PRKCSH: variants seen among roughly 807,000 people sequenced by gnomAD.
PRKCSH encodes PRKCSH beta subunit of glucosidase II.
PRKCSH carries 42 observed loss-of-function variants against 79.7 expected under a neutral mutation model. The observed-to-expected ratio is 0.53, with a 90% CI of 0.41 to 0.68. The LOEUF is 0.68. Among genes scored for constraint, PRKCSH ranks in the 30% least tolerant of loss-of-function variants. PRKCSH has a pLI of 0.00. For missense variants in PRKCSH, 686 were observed against 709.0 expected (o/e 0.97, Z 0.37); for synonymous variants, 325 against 288.2 (o/e 1.13, Z -1.29).
intron 7 of PRKCSH, among the ~76,000 whole-genome samples, chr19:11,444,738 C>T (rs933650658): frequency 6.6e-6 from 1 of 152,102 alleles, no homozygotes; most frequent in Non-Finnish European, 1.5e-5. Flanking sequence ...TTCTGTCCGG[C>T]TGGCCCCTCT....
At position 11,448,832 on chromosome 19, in the gene PRKCSH, C is replaced by A; in HGVS notation, c.1287-82C>A. 1 of 1,537,174 alleles carries A rather than the reference C, an allele frequency of 6.5e-7. No individual in the cohort carries two copies. Among genetic ancestry groups the A allele is most frequent in the Non-Finnish European group, 9.0e-7 (1 of 1,110,816 alleles). ...GTTGGAGGTACCCTGTGTGTGGGGACTGGAGGAGGCGGTGGGGGGTGGCTG... is the reference window on the plus strand; with the variant it reads ...GTTGGAGGTACCCTGTGTGTGGGGAATGGAGGAGGCGGTGGGGGGTGGCTG... On this transcript the variant is annotated intron_variant, in intron 14 of 17. Transcript: ENST00000677123. The surrounding 1 kb of genome is among the most constrained non-coding windows in gnomAD (Gnocchi z 4.4).
chr19:11,436,846 C>T, intron 3 of PRKCSH: 1 of 354,132 alleles, frequency 2.8e-6, no homozygotes, highest in Non-Finnish European at 5.5e-6. Context: ...TGAAGGGAGA[C>T]CCTGGCTTTT....
intron 6 of PRKCSH, 58 bp from the exon 7 acceptor site, chr19:11,442,328 G>C: frequency 6.5e-7 from 1 of 1,541,456 alleles, no homozygotes; most frequent in Non-Finnish European, 8.8e-7. Flanking sequence ...GGAGGTAGTA[G>C]TCAATGAGGA....
intron 8 of PRKCSH, 145 bp from the exon 9 acceptor site, chr19:11,446,127 G>C: frequency 2.5e-6 from 2 of 787,892 alleles, no homozygotes; most frequent in Non-Finnish European, 4.2e-6. Flanking sequence ...GGGGCAGGAG[G>C]GTGGGGAGGC....
intron 8 of PRKCSH, 58 bp downstream of exon 8, chr19:11,445,531 G>A (rs1449083636): frequency 1.2e-5 from 18 of 1,529,324 alleles, no homozygotes; most frequent in East Asian, 2.3e-5. Context: ...TTCCCTCCCC[G>A]CCACCCTCGC....
In PRKCSH at chr19:11,450,779, C is replaced by A. The variant is rs886054200; in HGVS notation, c.*150C>A. ...TTCGTGCCCTGCTCTGGGGCCCAGG[C>A]GGGGCTGGTCCACATTCCCAGGCCC... is the stretch of plus-strand genomic sequence containing the variant. On this transcript the variant is annotated 3_prime_UTR_variant, in exon 18 of 18. Coordinates refer to ENST00000677123, the MANE Select transcript of PRKCSH (RefSeq NM_001289104.2). The A allele has an allele frequency of 6.6e-6, 1 of 152,280 alleles. No homozygotes were observed. Among genetic ancestry groups the A allele is most frequent in the Non-Finnish European group, 1.5e-5 (1 of 68,082 alleles). The allele number at this position is 152,280 out of a possible 1,614,324, so 9.4% of individuals were successfully genotyped here.
Position 11,437,795 on chromosome 19 carries a change from A to G in PRKCSH, c.197-81A>G, listed in dbSNP as rs191476619. On this transcript the variant is annotated intron_variant, in intron 3 of 17. Coordinates refer to ENST00000677123, the MANE Select transcript of PRKCSH (RefSeq NM_001289104.2). Reference sequence around the variant, plus strand: ...TCTTGTGCTGTGTGCAGTGTGGGTCAGGGGCTCTTATCTGTGGATGGATGG... The same window carrying G: ...TCTTGTGCTGTGTGCAGTGTGGGTCGGGGGCTCTTATCTGTGGATGGATGG... The G allele has an allele frequency of 4.7e-4, 561 of 1,205,000 alleles. 2 individuals carry two copies. The African/African-American group carries it at 6.7e-3, about 14-fold the overall frequency. The allele number at this position is 1,205,000 out of a possible 1,614,324, so 74.6% of individuals were successfully genotyped here.
rs577685604 is a variant in PRKCSH, at chr19:11,441,071, C to T, written c.351-169C>T. The T allele has an allele frequency of 2.5e-5, 18 of 731,202 alleles. No homozygotes were observed. In the South Asian group the frequency reaches 2.6e-4, roughly 11 times the overall value. The allele number at this position is 731,202 out of a possible 1,614,324, so 45.3% of individuals were successfully genotyped here. A position where few individuals can be genotyped will look rare whatever the true frequency, so the allele number is the denominator to read the frequency against. ...GAACCCACTGTTCCTCTTTCAAGGA[C>T]AGGAATGAAGGATGCTGATGTTGAG... On this transcript the variant is annotated intron_variant, in intron 5 of 17. Coordinates refer to ENST00000677123, the MANE Select transcript of PRKCSH (RefSeq NM_001289104.2).
In PRKCSH at chr19:11,447,573, A is replaced by AGAG. The variant is rs763059069; in HGVS notation, c.999_1001dup (p.Glu333dup). 3.9e-4 allele frequency: 607 copies of AGAG among 1,570,738 alleles called. 1 individual carries two copies. Among genetic ancestry groups the AGAG allele is most frequent in the South Asian group, 1.6e-3 (142 of 88,218 alleles). ...AGGAGGAGGAAGAAGAGGCTGAAGA[A>AGAG]GAGGAGGAGGAGGAGGATTCCGAGG... On this transcript the variant is annotated inframe_insertion, in exon 11 of 18. Coordinates refer to ENST00000677123, the MANE Select transcript of PRKCSH (RefSeq NM_001289104.2). This position sits in a 1 kb window ranked among gnomAD's most constrained non-coding sequence, Gnocchi z 5.6.
In PRKCSH at chr19:11,440,150, ACTT is replaced by A. The variant is rs1019721220; in HGVS notation, c.351-1086_351-1084del. ...AAGGTGGATTGAACACAACCAACAC[ACTT>A]CTTTTTTTTTTTGAGACGGAGTCTC... On this transcript the variant is annotated intron_variant, in intron 5 of 17. Transcript: ENST00000677123. Among the ~76,000 whole-genome samples, 55 of 151,254 alleles carry A rather than the reference ACTT, an allele frequency of 3.6e-4. 1 individual carries two copies. The highest frequency in any genetic ancestry group is 1.2e-3 in the African/African-American group (50 of 41,252).
Position 11,449,624 on chromosome 19 carries a change from C to G in PRKCSH, c.*16+196C>G. On this transcript the variant is annotated intron_variant, in intron 17 of 17. Coordinates refer to ENST00000677123, the MANE Select transcript of PRKCSH (RefSeq NM_001289104.2). The surrounding 1 kb of genome is among the most constrained non-coding windows in gnomAD (Gnocchi z 6.4). Reference sequence around the variant, plus strand: ...GTGATGCGACCTCAGCTGACTGCAACCTCTACCTCCCGGGTTCAAACAATT... The same window carrying G: ...GTGATGCGACCTCAGCTGACTGCAAGCTCTACCTCCCGGGTTCAAACAATT... The G allele has an allele frequency of 1.5e-6, 1 of 657,118 alleles. No homozygotes were observed. The highest frequency in any genetic ancestry group is 2.6e-6 in the Non-Finnish European group (1 of 388,324). 40.7% of individuals were successfully genotyped at this position (657,118 alleles called of 1,614,324 possible).
intron 6 of PRKCSH, 114 bp from the exon 7 acceptor site, chr19:11,442,272 T>G: frequency 1.5e-5 from 22 of 1,419,574 alleles, no homozygotes; most frequent in Non-Finnish European, 1.9e-5. Flanking sequence ...CCCAGCTTGG[T>G]GTGTGTTTTG....
At chr19:11,445,593 C>T in intron 8 of PRKCSH, 120 bp downstream of exon 8, 1 of 993,332 alleles carries the variant, frequency 1.0e-6, no homozygotes, top group East Asian at 2.6e-5. Context: ...GGGGTCCAGG[C>T]TGATCCCAAG....
rs1357394825 is a variant in PRKCSH, at chr19:11,445,633, A to T, written c.683+160A>T. The T allele has an allele frequency of 4.1e-5, 30 of 739,522 alleles. No individual in the cohort carries two copies. The East Asian group carries it at 8.1e-4, about 20-fold the overall frequency. 45.8% of individuals were successfully genotyped at this position (739,522 alleles called of 1,614,324 possible). A position where few individuals can be genotyped will look rare whatever the true frequency, so the allele number is the denominator to read the frequency against. ...GTGTGACCCCGCCTCTTACTCGTGG[A>T]TGGCCAGGTCCAGGATGCCCTGGGC... On this transcript the variant is annotated intron_variant, in intron 8 of 17. Coordinates refer to ENST00000677123, the MANE Select transcript of PRKCSH (RefSeq NM_001289104.2).
intron 6 of PRKCSH, 63 bp from the exon 7 acceptor site, chr19:11,442,323 T>G (rs1599493596): frequency 6.5e-7 from 1 of 1,533,722 alleles, no homozygotes. Flanking sequence ...GGCAGGGAGG[T>G]AGTAGTCAAT....
At chr19:11,438,854 C>T (rs1405231799) in intron 5 of PRKCSH, among the ~76,000 whole-genome samples, 3 of 151,050 alleles carry the variant, frequency 2.0e-5, no homozygotes, top group Non-Finnish European at 4.4e-5. Flanking sequence ...AACAGCTGTT[C>T]TCAATTCCTG....
At chr19:11,445,147 C>A (rs973024015) in intron 7 of PRKCSH, among the ~76,000 whole-genome samples, 3 of 152,182 alleles carry the variant, frequency 2.0e-5, no homozygotes, top group African/African-American at 7.2e-5. Context: ...CCTCCTGCCT[C>A]TGCACTCCCC....
intron 3 of PRKCSH, among the ~76,000 whole-genome samples, chr19:11,437,405 G>A (rs1179628343): frequency 6.7e-6 from 1 of 150,354 alleles, no homozygotes; most frequent in African/African-American, 2.5e-5. Flanking sequence ...AGGCTGGAGT[G>A]CAGTGGCATG....
At position 11,438,047 on chromosome 19, in the gene PRKCSH, G is replaced by C; in HGVS notation, c.293-20G>C. 6.2e-7 allele frequency: 1 copy of C among 1,614,136 alleles called. No homozygotes were observed. Among genetic ancestry groups the C allele is most frequent in the South Asian group, 1.1e-5 (1 of 91,082 alleles). On this transcript the variant is annotated intron_variant, in intron 4 of 17. Transcript: ENST00000677123. ...AGGAGGCACTGCCAGGTCTGATCTTGGCTTCTGCCTCTGCCACAGACTGCT... is the reference window on the plus strand; with the variant it reads ...AGGAGGCACTGCCAGGTCTGATCTTCGCTTCTGCCTCTGCCACAGACTGCT...
Sources: gnomAD v4.1 joint callset for allele counts (sites outside exome capture counted in the v4.1 genomes callset) on GRCh38, gnomAD v4.1.1 for gene constraint, Gnocchi (gnomAD v3.1) non-coding constraint, MANE v1.5 for transcripts, NCBI Gene and HGNC (gene_info 2026-07-23, HGNC 2026-07-21) for gene names.